ERBB4: variants seen among roughly 807,000 people sequenced by gnomAD.
The protein encoded by ERBB4 is receptor tyrosine-protein kinase erbB-4.
ERBB4 carries 42 observed loss-of-function variants against 158.0 expected under a neutral mutation model. The ratio of observed to expected loss-of-function variants is 0.27; its 90% confidence interval spans 0.21 to 0.34. The LOEUF is 0.34. Among genes scored for constraint, ERBB4 ranks in the 10% least tolerant of loss-of-function variants. ERBB4 has a pLI of 1.00. For missense variants in ERBB4, 1,333 were observed against 1,624.1 expected (o/e 0.82, Z 3.08); for synonymous variants, 583 against 558.7 (o/e 1.04, Z -0.61).
chr2:211,967,247 A>T (rs190474550), intron 2 of ERBB4, among the ~76,000 whole-genome samples: 4 of 152,244 alleles, frequency 2.6e-5, no homozygotes, highest in Non-Finnish European at 4.4e-5. Context: ...GGTTTGGGCT[A>T]TATTTGGGGA....
intron 1 of ERBB4, among the ~76,000 whole-genome samples, chr2:212,235,423 T>A (rs892126683): frequency 2.0e-5 from 3 of 152,164 alleles, no homozygotes; most frequent in African/African-American, 7.2e-5. Context: ...GCCTCCAGGT[T>A]TTTGCACAGG....
intron 1 of ERBB4, among the ~76,000 whole-genome samples, chr2:212,393,356 ACT>A (rs2106442779): frequency 6.6e-6 from 1 of 152,188 alleles, no homozygotes; most frequent in South Asian, 2.1e-4. Context: ...CATAAAGCAA[ACT>A]CTACATATAT....
At chr2:212,390,920 G>A in intron 1 of ERBB4, among the ~76,000 whole-genome samples, 1 of 151,804 alleles carries the variant, frequency 6.6e-6, no homozygotes, top group East Asian at 1.9e-4. Context: ...AATAAAAATA[G>A]TTATTTTCAT....
chr2:211,413,309 A>AAC (rs36108369), intron 25 of ERBB4, among the ~76,000 whole-genome samples: 9,021 of 94,466 alleles, frequency 0.095, 840 homozygotes, highest in African/African-American at 0.17. Context: ...CTGTCTTAAA[A>AAC]ACACACACAC....
chr2:211,713,681 A>G (rs776615445), intron 7 of ERBB4, 33 bp from the exon 8 acceptor site: 2 of 1,273,908 alleles, frequency 1.6e-6, no homozygotes, highest in Non-Finnish European at 2.3e-6. Context: ...TAAAATAAGC[A>G]TTAATGTTAA....
intron 1 of ERBB4, among the ~76,000 whole-genome samples, chr2:212,288,068 A>C (rs1176621948): frequency 6.6e-6 from 1 of 152,144 alleles, no homozygotes; most frequent in Non-Finnish European, 1.5e-5. Context: ...AATGTTAGAA[A>C]AAGAAAAGGA....
At chr2:211,806,520 T>C (rs1195488611) in intron 3 of ERBB4, among the ~76,000 whole-genome samples, 3 of 152,006 alleles carry the variant, frequency 2.0e-5, no homozygotes, top group South Asian at 2.1e-4. Context: ...CACAGCAAGA[T>C]AGTGAAAAAT....
chr2:211,441,058 C>T (rs1028988610), intron 20 of ERBB4, among the ~76,000 whole-genome samples: 5 of 152,184 alleles, frequency 3.3e-5, no homozygotes, highest in African/African-American at 1.2e-4. Context: ...CTTCCTCAGG[C>T]TTGCTCCTCT....
chr2:211,496,624 C>T (rs1020121183), intron 20 of ERBB4, among the ~76,000 whole-genome samples: 2 of 151,940 alleles, frequency 1.3e-5, no homozygotes, highest in African/African-American at 4.8e-5. Context: ...CATCTCTCAC[C>T]TCAATTATTT....
rs576704499 is a variant in ERBB4, at chr2:211,505,508, C to A, written c.2487+56395G>T. Among the ~76,000 whole-genome samples, 9 of 144,760 alleles carry A rather than the reference C, an allele frequency of 6.2e-5. No homozygotes were observed. In the South Asian group the frequency reaches 6.6e-4, roughly 11 times the overall value. 95.0% of individuals were successfully genotyped at this position (144,760 alleles called of 152,430 possible). A position where few individuals can be genotyped will look rare whatever the true frequency, so the allele number is the denominator to read the frequency against. On this transcript the variant is annotated intron_variant, in intron 20 of 27. Transcript: ENST00000342788. The stretch of plus-strand genomic sequence containing the variant: ...GATACTCACCATCATAAAAAAAAAA[C>A]ATGTAAGTAGAAATCTCAGAGCCTA...
intron 1 of ERBB4, among the ~76,000 whole-genome samples, chr2:212,401,821 C>G (rs2106464523): frequency 6.6e-6 from 1 of 152,032 alleles, no homozygotes; most frequent in South Asian, 2.1e-4. Context: ...TTATTGAAAA[C>G]TCGGGATGCC....
chr2:211,432,590 T>C (rs573500820), intron 20 of ERBB4, among the ~76,000 whole-genome samples: 15 of 141,006 alleles, frequency 1.1e-4, no homozygotes, highest in African/African-American at 3.1e-4. Flanking sequence ...ATAGCCCTTA[T>C]ATGACTTAAA....
chr2:211,784,882 T>C (rs35894627), intron 4 of ERBB4, among the ~76,000 whole-genome samples: 37,381 of 152,134 alleles, frequency 0.25, 5,387 homozygotes, highest in Middle Eastern at 0.36. Context: ...TCTTTTTATA[T>C]GCTTGTTGGC....
intron 2 of ERBB4, among the ~76,000 whole-genome samples, chr2:212,050,152 CT>C (rs1167229445): frequency 3.0e-4 from 46 of 151,376 alleles, no homozygotes; most frequent in Non-Finnish European, 7.4e-5. Context: ...TTCATATTGT[CT>C]TTTTTTTTCC....
intron 1 of ERBB4, among the ~76,000 whole-genome samples, chr2:212,454,872 GT>G (rs913934039): frequency 4.1e-4 from 61 of 148,726 alleles, no homozygotes; most frequent in African/African-American, 1.3e-3. Context: ...GTTCCTTTAG[GT>G]TTTTTTTTTA....
At chr2:212,144,353 C>A (rs1043533841) in intron 1 of ERBB4, among the ~76,000 whole-genome samples, 1 of 152,082 alleles carries the variant, frequency 6.6e-6, no homozygotes, top group Non-Finnish European at 1.5e-5. Flanking sequence ...GCTACAATAT[C>A]CCTTCACACT....
At chr2:212,367,351 T>C (rs1218803902) in intron 1 of ERBB4, among the ~76,000 whole-genome samples, 1 of 152,078 alleles carries the variant, frequency 6.6e-6, no homozygotes, top group Non-Finnish European at 1.5e-5. Context: ...GACACCCTTT[T>C]CAACAAATGG....
At chr2:211,641,146 C>T (rs1248809095) in intron 16 of ERBB4, among the ~76,000 whole-genome samples, 1 of 152,032 alleles carries the variant, frequency 6.6e-6, no homozygotes, top group African/African-American at 2.4e-5. Flanking sequence ...AAGTGAGTCA[C>T]AGACAACATT....
At chr2:211,705,895 T>A (rs2073421118) in intron 9 of ERBB4, among the ~76,000 whole-genome samples, 1 of 152,202 alleles carries the variant, frequency 6.6e-6, no homozygotes, top group Non-Finnish European at 1.5e-5. Flanking sequence ...TTTATCTACT[T>A]GTGAATTTTC....
Sources: allele counts gnomAD v4.1 joint callset (sites outside exome capture counted in the v4.1 genomes callset), GRCh38; gene constraint gnomAD v4.1.1; transcripts MANE v1.5; gene names NCBI Gene and HGNC (gene_info 2026-07-23, HGNC 2026-07-21).